The following F13B variants were observed in gnomAD, a reference collection of about 807,000 sequenced individuals.
F13B encodes the protein TGase.
In F13B, 58 loss-of-function variants were observed where a neutral mutation model predicts 79.8. The observed-to-expected ratio is 0.73, with a 90% CI of 0.59 to 0.90. The LOEUF is 0.90. Among genes scored for constraint, F13B ranks in the 40% least tolerant of loss-of-function variants. The pLI is 0.00. For synonymous variants in F13B, 283 were observed against 260.3 expected, an observed-to-expected ratio of 1.09 and a Z score of -0.84; for missense variants, 773 against 777.0, an observed-to-expected ratio of 0.99 and a Z score of 0.06.
At position 197,040,623 on chromosome 1, in the gene F13B, T is replaced by G. The variant is rs777215791; in HGVS notation, c.1851A>C (p.Arg617Ser). 7.1e-5 allele frequency: 115 copies of G among 1,612,756 alleles called. No homozygotes were observed. The highest frequency in any genetic ancestry group is 9.5e-5 in the Non-Finnish European group (112 of 1,179,110). ...ATAATTCAGCTGGATAAGTATCTCC[T>G]CTACAAATAAACTCAATATATTCAC... ...LHGEYIEFIC[R>S]GDTYPAELYI... Residue 617 changes from arginine (R) to serine (S), a missense_variant, in exon 11 of 12, where the codon AGA becomes AGC. Coordinates refer to ENST00000367412, the MANE Select transcript of F13B (RefSeq NM_001994.3).
At chr1:197,040,399 T>C in intron 11 of F13B, 123 bp downstream of exon 11, 1 of 680,646 alleles carries the variant, frequency 1.5e-6, no homozygotes, top group South Asian at 1.9e-5. Flanking sequence ...ATGAAGAAAA[T>C]ATTATTATTT....
chr1:197,066,409 G>A (rs529367511), intron 1 of F13B, among the ~76,000 whole-genome samples: 8 of 152,034 alleles, frequency 5.3e-5, no homozygotes, highest in Admixed American at 1.3e-4. Flanking sequence ...TTCATCCTAT[G>A]GCCTGATAAT....
chr1:197,065,174 G>T (rs1434498691), intron 1 of F13B, among the ~76,000 whole-genome samples: 1 of 152,110 alleles, frequency 6.6e-6, no homozygotes, highest in African/African-American at 2.4e-5. Context: ...ATTTCCCTGA[G>T]GGGCACAGTT....
chr1:197,050,939 T>C (rs1655420537), intron 9 of F13B, 60 bp from the exon 10 acceptor site: 20 of 1,400,478 alleles, frequency 1.4e-5, no homozygotes, highest in African/African-American at 4.3e-5. Flanking sequence ...CAGTACTTTA[T>C]AAGTGCTACA....
intron 10 of F13B, among the ~76,000 whole-genome samples, chr1:197,042,444 G>T (rs1405222341): frequency 6.6e-6 from 1 of 152,032 alleles, no homozygotes; most frequent in East Asian, 1.9e-4. Flanking sequence ...AAAACAGGAA[G>T]CATTTCGAGG....
chr1:197,041,996 G>C (rs923803960), intron 10 of F13B, among the ~76,000 whole-genome samples: 5 of 152,268 alleles, frequency 3.3e-5, no homozygotes, highest in Middle Eastern at 6.8e-3. Flanking sequence ...GGGCAGGAAG[G>C]ATGGAATGGC....
intron 10 of F13B, among the ~76,000 whole-genome samples, chr1:197,049,192 T>C (rs1187942482): frequency 1.3e-5 from 2 of 151,906 alleles, no homozygotes; most frequent in Non-Finnish European, 2.9e-5. Flanking sequence ...GTAATCTATG[T>C]ATTCATCTAA....
Position 197,050,797 on chromosome 1 carries a change from G to C in F13B, c.1638C>G (p.Gly546=), listed in dbSNP as rs1205412117. The C allele has an allele frequency of 2.5e-6, 4 of 1,613,120 alleles. No homozygotes were observed. The highest frequency in any genetic ancestry group is 2.2e-5 in the East Asian group (1 of 44,850). The part of the protein sequence containing the change: ...ISSTVDTYEN[G]SSVEYRCFDH... The stretch of plus-strand genomic sequence containing the variant: ...CAAAACATCTGTATTCTACTGAAGA[G>C]CCATTTTCATAGGTGTCTACTGTTG... The change falls in exon 10 of 12, where the codon GGC becomes GGG. Residue 546 remains glycine (G), a synonymous_variant. Coordinates refer to ENST00000367412, the MANE Select transcript of F13B (RefSeq NM_001994.3).
chr1:197,066,320 A>G (rs1656047535), intron 1 of F13B, among the ~76,000 whole-genome samples: 1 of 152,184 alleles, frequency 6.6e-6, no homozygotes, highest in Non-Finnish European at 1.5e-5. Flanking sequence ...AAAAATGTTT[A>G]TTTTAGAAAA....
chr1:197,049,183 T>C (rs991655958), intron 10 of F13B, among the ~76,000 whole-genome samples: 1 of 152,094 alleles, frequency 6.6e-6, no homozygotes, highest in Admixed American at 6.6e-5. Context: ...TGAAAATTAG[T>C]AATCTATGTA....
At chr1:197,045,929 A>G (rs1270303171) in intron 10 of F13B, among the ~76,000 whole-genome samples, 2 of 152,220 alleles carry the variant, frequency 1.3e-5, no homozygotes, top group African/African-American at 2.4e-5. Flanking sequence ...GATTATCTCA[A>G]TAGATTCAGA....
At chr1:197,058,114 T>C (rs1277826383) in intron 5 of F13B, among the ~76,000 whole-genome samples, 1 of 152,224 alleles carries the variant, frequency 6.6e-6, no homozygotes, top group South Asian at 2.1e-4. Flanking sequence ...GGTGACATTG[T>C]TACGCACCAA....
At chr1:197,041,217 C>T (rs1571547730) in intron 10 of F13B, among the ~76,000 whole-genome samples, 1 of 152,044 alleles carries the variant, frequency 6.6e-6, no homozygotes, top group Non-Finnish European at 1.5e-5. Context: ...AGCTTTATAA[C>T]CTCATGCCAT....
At chr1:197,045,950 G>A (rs575171840) in intron 10 of F13B, among the ~76,000 whole-genome samples, 3 of 152,138 alleles carry the variant, frequency 2.0e-5, no homozygotes, top group African/African-American at 4.8e-5. Context: ...AAAAGCCTTC[G>A]ACAAAATTCA....
At position 197,061,976 on chromosome 1, in the gene F13B, GA is replaced by G. The variant is rs745827511; in HGVS notation, c.266-8del. Reference sequence around the variant, plus strand: ...TCAGGCTTAGTGCATTTTTCTATGGGAAAAAAAATTATTTAACTTAATGATG... The same window carrying G: ...TCAGGCTTAGTGCATTTTTCTATGGGAAAAAAATTATTTAACTTAATGATG... On this transcript the variant is annotated splice_polypyrimidine_tract_variant and splice_region_variant and intron_variant, in intron 2 of 11. Coordinates refer to ENST00000367412, the MANE Select transcript of F13B (RefSeq NM_001994.3). 75 of 1,605,182 alleles carry G rather than the reference GA, an allele frequency of 4.7e-5. No individual in the cohort carries two copies. In the Middle Eastern group the frequency reaches 5.0e-4, roughly 11 times the overall value.
At chr1:197,044,754 G>A (rs2125056340) in intron 10 of F13B, among the ~76,000 whole-genome samples, 2 of 152,146 alleles carry the variant, frequency 1.3e-5, no homozygotes, top group East Asian at 3.9e-4. Flanking sequence ...CCACATAACT[G>A]CAAGTAAAAC....
intron 10 of F13B, among the ~76,000 whole-genome samples, chr1:197,043,541 G>C (rs1347676813): frequency 6.6e-6 from 1 of 152,130 alleles, no homozygotes; most frequent in Non-Finnish European, 1.5e-5. Flanking sequence ...TCAAGAAGTT[G>C]ATGTTAAGCT....
rs772014710 is a variant in F13B at position 197,052,717 on chromosome 1, T to C, written c.1472A>G (p.Asp491Gly). Residue 491 changes from aspartate (D) to glycine (G), a missense_variant, in exon 9 of 12, where the codon GAC becomes GGC. Transcript: ENST00000367412. ...AGACAATGGGGTTAATGGAGATAAG[T>C]CATATCCCTGTTTACATACAAAATC... ...LIDFVCKQGY[D>G]LSPLTPLSEL... 8.2e-5 allele frequency: 132 copies of C among 1,611,952 alleles called. No individual in the cohort carries two copies. The highest frequency in any genetic ancestry group is 1.1e-4 in the Non-Finnish European group (126 of 1,178,818).
At chr1:197,041,119 A>T (rs1655022540) in intron 10 of F13B, among the ~76,000 whole-genome samples, 1 of 152,150 alleles carries the variant, frequency 6.6e-6, no homozygotes, top group Admixed American at 6.5e-5. Context: ...CCTTCTTCAG[A>T]AAGTTCAAAT....
Sources: allele counts gnomAD v4.1 joint callset (sites outside exome capture counted in the v4.1 genomes callset), GRCh38; gene constraint gnomAD v4.1.1; transcripts MANE v1.5; gene names NCBI Gene and HGNC (gene_info 2026-07-23, HGNC 2026-07-21).